Variants in PTS observed in about 807,000 individuals in gnomAD.
PTS encodes the protein 6-pyruvoyltetrahydropterin synthase, also known as 6-pyruvoyl tetrahydrobiopterin synthase.
PTS carries 23 observed loss-of-function variants against 20.6 expected under a neutral mutation model. The observed-to-expected ratio is 1.12, with a 90% CI of 0.80 to 1.58. The LOEUF (loss-of-function observed/expected upper bound fraction) is 1.58, where lower values mean the gene tolerates loss of function less well. PTS is among the 40% of genes most tolerant of loss of function. The pLI, the probability that PTS is intolerant of heterozygous loss-of-function variation, is 0.00. For missense variants in PTS, 186 were observed against 182.4 expected (o/e 1.02, Z -0.11); for synonymous variants, 65 against 62.5 (o/e 1.04, Z -0.19).
chr11:112,230,124 T>C, intron 2 of PTS, 84 bp from the exon 3 acceptor site: 1 of 1,285,286 alleles, frequency 7.8e-7, no homozygotes, highest in Non-Finnish European at 1.1e-6. Flanking sequence ...TGCCAACTTG[T>C]GCTTGTATGT....
Position 112,226,544 on chromosome 11 carries a change from G to T in PTS, c.83+18G>T. 6.5e-7 allele frequency: 1 copy of T among 1,532,250 alleles called. No individual in the cohort carries two copies. Among genetic ancestry groups the T allele is most frequent in the South Asian group, 1.2e-5 (1 of 81,642 alleles). 94.9% of individuals were successfully genotyped at this position (1,532,250 alleles called of 1,614,324 possible). A position where few individuals can be genotyped will look rare whatever the true frequency, so the allele number is the denominator to read the frequency against. On this transcript the variant is annotated intron_variant, in intron 1 of 5. Transcript: ENST00000280362. The stretch of plus-strand genomic sequence containing the variant: ...TTGTACAGGTAGGGTGTGCACACAG[G>T]TACAGCGGCGGGCGGTGGGCGCCGG...
At chr11:112,228,510 A>G (rs1031826149) in intron 1 of PTS, 84 bp from the exon 2 acceptor site, 14 of 1,183,336 alleles carry the variant, frequency 1.2e-5, no homozygotes, top group Non-Finnish European at 1.7e-5. Flanking sequence ...AAAGATCAGT[A>G]CAAATAATAA....
At chr11:112,230,007 A>T in intron 2 of PTS, 1 of 621,034 alleles carries the variant, frequency 1.6e-6, no homozygotes, top group Non-Finnish European at 2.8e-6. Flanking sequence ...CTTTGTCTCG[A>T]TTGTGTCTTG....
intron 2 of PTS, chr11:112,229,042 T>A (rs1859899575): frequency 4.2e-6 from 1 of 235,920 alleles, no homozygotes; most frequent in Admixed American, 5.2e-5. Context: ...AGGAATGTAA[T>A]GTATGGCAGA....
chr11:112,233,440 A>G lies in PTS; in HGVS notation c.323A>G (p.Glu108Gly). 6.2e-7 allele frequency: 1 copy of G among 1,611,458 alleles called. No individual in the cohort carries two copies. Among genetic ancestry groups the G allele is most frequent in the Non-Finnish European group, 8.5e-7 (1 of 1,179,316 alleles). The change falls in exon 6 of 6, where the codon GAA (glutamate) becomes GGA (glycine). Residue 108 changes from glutamate (E) to glycine (G), a missense_variant. Physicochemically the swap from Glu to Gly is moderately conservative, Grantham distance 98 (BLOSUM62 -2). Coordinates refer to ENST00000280362, the MANE Select transcript of PTS (RefSeq NM_000317.3). ...PYFADVVSTT[E>G]NVAVYIWDNL... ...GTTTTTTTTTCTTATAGCACGACTG[A>G]AAATGTAGCTGTTTATATCTGGGAC...
At chr11:112,226,576 G>A (rs1031596192) in intron 1 of PTS, 50 bp downstream of exon 1, 3 of 1,469,046 alleles carry the variant, frequency 2.0e-6, no homozygotes, top group African/African-American at 2.9e-5. Flanking sequence ...CCGGGCCCCG[G>A]AACGTCACCG....
chr11:112,230,506 A>T, intron 3 of PTS, 120 bp from the exon 4 acceptor site: 1 of 951,910 alleles, frequency 1.1e-6, no homozygotes, highest in Non-Finnish European at 1.7e-6. Flanking sequence ...TATCTCTGGG[A>T]TGAAGGCAAA....
In PTS at chr11:112,233,619, C is replaced by A; in HGVS notation, c.*64C>A. On this transcript the variant is annotated 3_prime_UTR_variant, in exon 6 of 6. Transcript: ENST00000280362. Reference sequence around the variant, plus strand: ...TGTGTTTGAAAAAGATTTTGATCCCCTTGGAATATTAAGAGGTCAACACGT... The same window carrying A: ...TGTGTTTGAAAAAGATTTTGATCCCATTGGAATATTAAGAGGTCAACACGT... The A allele has an allele frequency of 6.2e-7, 1 of 1,606,704 alleles. No individual in the cohort carries two copies. Among genetic ancestry groups the A allele is most frequent in the South Asian group, 1.1e-5 (1 of 89,878 alleles).
chr11:112,233,268 T>C (rs1300586035), intron 5 of PTS, 35 bp downstream of exon 5: 1 of 1,592,652 alleles, frequency 6.3e-7, no homozygotes. Flanking sequence ...ATGTGGATTG[T>C]AAAACAAGAA....
chr11:112,233,339 G>A (rs1424571599), intron 5 of PTS, 93 bp from the exon 6 acceptor site: 15 of 1,532,304 alleles, frequency 9.8e-6, no homozygotes, highest in South Asian at 7.0e-5. Context: ...GAAATCTTTC[G>A]AAACTAGAAT....
chr11:112,230,139 A>C, intron 2 of PTS, 69 bp from the exon 3 acceptor site: 1 of 1,448,822 alleles, frequency 6.9e-7, no homozygotes, highest in African/African-American at 1.4e-5. Context: ...GTATGTTGCT[A>C]ACTTGTGCTT....
chr11:112,233,291 C>G, intron 5 of PTS, 58 bp downstream of exon 5: 1 of 1,566,928 alleles, frequency 6.4e-7, no homozygotes, highest in Non-Finnish European at 8.8e-7. Context: ...GATTTGAATA[C>G]TTTGATTGTT....
intron 1 of PTS, among the ~76,000 whole-genome samples, chr11:112,227,885 CA>C (rs1275317685): frequency 2.0e-5 from 3 of 150,828 alleles, no homozygotes; most frequent in African/African-American, 4.9e-5. Context: ...AAGAGGATCT[CA>C]AAAAAAAGGG....
Position 112,230,658 on chromosome 11 carries a change from G to A in PTS, c.219G>A (p.Leu73=), listed in dbSNP as rs1311008356. ...IDPATGMVMN[L]ADLKKYMEEA... ...CTGCTACGGGAATGGTTATGAATCT[G>A]GCTGATCTCAAAAAATATATGGAGG... Residue 73 remains leucine, a synonymous_variant, in exon 4 of 6, where the codon CTG becomes CTA. Transcript: ENST00000280362. The A allele has an allele frequency of 6.2e-7, 1 of 1,611,154 alleles. No individual in the cohort carries two copies. The highest frequency in any genetic ancestry group is 1.7e-5 in the Admixed American group (1 of 60,014).
At chr11:112,231,549 A>G (rs147714808) in intron 4 of PTS, among the ~76,000 whole-genome samples, 251 of 152,188 alleles carry the variant, frequency 1.6e-3, no homozygotes, top group South Asian at 8.5e-3. Context: ...GTTTGTTCTG[A>G]GATTTGACAT....
intron 1 of PTS, 108 bp from the exon 2 acceptor site, chr11:112,228,486 T>C (rs1592879153): frequency 1.0e-6 from 1 of 959,346 alleles, no homozygotes. Flanking sequence ...AAGTAATAAA[T>C]TGGGAAACTT....
chr11:112,228,759 T>TA (rs1859896780), intron 2 of PTS, 86 bp downstream of exon 2: 3 of 1,208,822 alleles, frequency 2.5e-6, no homozygotes, highest in Non-Finnish European at 2.4e-6. Flanking sequence ...TGGGAAAACT[T>TA]ACGGACACAG....
rs1467628731 is a variant in PTS, at chr11:112,231,462, T to C, written c.243+780T>C. ...ACTGACTTGCCCCAGGTCATATGGC[T>C]AGTCATTTGCAAAGCTGGGAGTAGA... On this transcript the variant is annotated intron_variant, in intron 4 of 5. Coordinates refer to ENST00000280362, the MANE Select transcript of PTS (RefSeq NM_000317.3). 2.0e-5 allele frequency among the ~76,000 whole-genome samples: 3 copies of C among 152,362 alleles called. No homozygotes were observed. In the East Asian group the frequency reaches 5.8e-4, roughly 29 times the overall value.
chr11:112,227,965 G>A (rs77081108), intron 1 of PTS, among the ~76,000 whole-genome samples: 92 of 152,316 alleles, frequency 6.0e-4, no homozygotes, highest in Non-Finnish European at 1.1e-3. Flanking sequence ...GAATGGATGG[G>A]TATAAGTATA....
Sources: allele counts gnomAD v4.1 joint callset (sites outside exome capture counted in the v4.1 genomes callset), GRCh38; gene constraint gnomAD v4.1.1; transcripts MANE v1.5; gene names NCBI Gene and HGNC (gene_info 2026-07-23, HGNC 2026-07-21).